The following VAMP7 variants were observed in gnomAD, a reference collection of about 807,000 sequenced individuals.
VAMP7 encodes vesicle associated membrane protein 7.
A neutral mutation model predicts 29.6 loss-of-function variants in VAMP7; 14 were observed. The observed-to-expected ratio is 0.47, with a 90% CI of 0.31 to 0.74. The LOEUF is 0.74. Among genes scored for constraint, VAMP7 ranks in the 30% least tolerant of loss-of-function variants. VAMP7 has a pLI of 0.05. For synonymous variants in VAMP7, 95 were observed against 88.1 expected, an observed-to-expected ratio of 1.08 and a Z score of -0.44; for missense variants, 223 against 262.4, an observed-to-expected ratio of 0.85 and a Z score of 1.04.
chrX:155,924,597 TA>T (rs370271999), intron 6 of VAMP7, among the ~76,000 whole-genome samples: 20 of 151,462 alleles, frequency 1.3e-4, no homozygotes, highest in African/African-American at 2.2e-4. Flanking sequence ...GTTTATTGCT[TA>T]AAAAAAAATG....
chrX:155,937,649 A>G (rs1361255571), intron 6 of VAMP7, among the ~76,000 whole-genome samples: 1 of 152,082 alleles, frequency 6.6e-6, no homozygotes, highest in Non-Finnish European at 1.5e-5. Context: ...CCTTTTTTCA[A>G]TATTCTTGCC....
intron 1 of VAMP7, among the ~76,000 whole-genome samples, chrX:155,889,089 G>A (rs1179147759): frequency 3.9e-5 from 6 of 152,034 alleles, no homozygotes; most frequent in African/African-American, 9.7e-5. Flanking sequence ...TTTCAGGATG[G>A]AATTTCTACA....
At chrX:155,922,735 A>C (rs1361489524) in intron 6 of VAMP7, among the ~76,000 whole-genome samples, 1 of 151,960 alleles carries the variant, frequency 6.6e-6, no homozygotes, top group Non-Finnish European at 1.5e-5. Flanking sequence ...TTACCTCTCT[A>C]TCTTCTGAGT....
chrX:155,924,028 G>A (rs2066434011), intron 6 of VAMP7, among the ~76,000 whole-genome samples: 1 of 152,082 alleles, frequency 6.6e-6, no homozygotes, highest in Non-Finnish European at 1.5e-5. Flanking sequence ...TAATTGAAGT[G>A]CTTATTCCAC....
At chrX:155,898,540 A>G (rs906740024) in intron 4 of VAMP7, among the ~76,000 whole-genome samples, 18 of 152,100 alleles carry the variant, frequency 1.2e-4, no homozygotes, top group African/African-American at 3.9e-4. Flanking sequence ...TGTGTTCAGC[A>G]TGCCAAATGA....
chrX:155,912,368 TTTA>T (rs1277448302), intron 5 of VAMP7, among the ~76,000 whole-genome samples: 1 of 152,134 alleles, frequency 6.6e-6, no homozygotes, highest in Non-Finnish European at 1.5e-5. Flanking sequence ...TTGCTCTTTT[TTTA>T]TTATTATACT....
At chrX:155,887,050 T>A (rs1207999396) in intron 1 of VAMP7, among the ~76,000 whole-genome samples, 6 of 152,172 alleles carry the variant, frequency 3.9e-5, no homozygotes, top group African/African-American at 1.4e-4. Flanking sequence ...AGCAATGACC[T>A]CCTTCCTTGT....
chrX:155,886,119 T>C (rs903242197), intron 1 of VAMP7, among the ~76,000 whole-genome samples: 1 of 152,142 alleles, frequency 6.6e-6, no homozygotes, highest in African/African-American at 2.4e-5. Context: ...ATCTTTTCAT[T>C]CTTTTTCTTC....
At chrX:155,941,582 G>A (rs2066744523) in intron 7 of VAMP7, among the ~76,000 whole-genome samples, 1 of 152,062 alleles carries the variant, frequency 6.6e-6, no homozygotes, top group Non-Finnish European at 1.5e-5. Flanking sequence ...TGACACATCA[G>A]TATGAGTTGC....
At chrX:155,902,922 T>A (rs1289404962) in intron 5 of VAMP7, among the ~76,000 whole-genome samples, 6 of 151,730 alleles carry the variant, frequency 4.0e-5, no homozygotes, top group African/African-American at 7.3e-5. Flanking sequence ...TTCTATTGAT[T>A]GGAATAGTTT....
At chrX:155,923,843 T>C (rs767328248) in intron 6 of VAMP7, among the ~76,000 whole-genome samples, 1 of 152,262 alleles carries the variant, frequency 6.6e-6, no homozygotes, top group African/African-American at 2.4e-5. Flanking sequence ...TAGAATAGTT[T>C]CTATTGCTAT....
At chrX:155,929,624 G>T (rs1277594568) in intron 6 of VAMP7, among the ~76,000 whole-genome samples, 1 of 152,038 alleles carries the variant, frequency 6.6e-6, no homozygotes, top group Non-Finnish European at 1.5e-5. Flanking sequence ...CAGCATTTTA[G>T]ATATAAGTTT....
intron 6 of VAMP7, among the ~76,000 whole-genome samples, chrX:155,927,230 G>T (rs773730907): frequency 6.6e-6 from 1 of 151,848 alleles, no homozygotes; most frequent in African/African-American, 2.4e-5. Flanking sequence ...GGGAGTGGGG[G>T]CTAGGGGAGG....
intron 2 of VAMP7, among the ~76,000 whole-genome samples, chrX:155,892,616 A>G (rs928178557): frequency 1.3e-5 from 2 of 152,056 alleles, no homozygotes; most frequent in African/African-American, 4.8e-5. Context: ...TGTGTGCCTG[A>G]GCTTAGATGT....
intron 5 of VAMP7, among the ~76,000 whole-genome samples, chrX:155,905,262 T>C (rs1225597068): frequency 6.6e-6 from 1 of 152,094 alleles, no homozygotes; most frequent in Non-Finnish European, 1.5e-5. Context: ...TGTTTTTAAG[T>C]GGGTTATTTG....
chrX:155,936,048 C>T (rs2066648682), intron 6 of VAMP7, among the ~76,000 whole-genome samples: 1 of 134,780 alleles, frequency 7.4e-6, no homozygotes, highest in Non-Finnish European at 1.6e-5. Flanking sequence ...GCTCTCTGAT[C>T]GTTCCTCTGG....
intron 5 of VAMP7, among the ~76,000 whole-genome samples, chrX:155,911,722 G>T (rs2066240325): frequency 6.6e-6 from 1 of 151,934 alleles, no homozygotes; most frequent in South Asian, 2.1e-4. Flanking sequence ...TTATAAATGG[G>T]ATTACCTTCT....
intron 1 of VAMP7, among the ~76,000 whole-genome samples, chrX:155,885,022 C>T (rs946080787): frequency 6.6e-6 from 1 of 152,158 alleles, no homozygotes; most frequent in Non-Finnish European, 1.5e-5. Context: ...CTATCCATGA[C>T]ATTTACACTG....
Position 155,939,708 on chromosome X carries a change from C to A in VAMP7, c.509C>A (p.Thr170Asn). The A allele has an allele frequency of 1.2e-6, 2 of 1,613,720 alleles. No homozygotes were observed. Among genetic ancestry groups the A allele is most frequent in the South Asian group, 2.2e-5 (2 of 91,050 alleles). The change falls in exon 7 of 8, where the codon ACC (threonine) becomes AAC (asparagine). Residue 170 changes from threonine to asparagine, a missense_variant. Coordinates refer to ENST00000286448, the MANE Select transcript of VAMP7 (RefSeq NM_005638.6). ...TTCTCGCCTCTTTTCTAGTCTGTCA[C>A]CTTCAAAACTACCAGCAGAAATCTT... Reference protein sequence around the residue: ...KTENLVDSSVTFKTTSRNLAR... With the variant: ...KTENLVDSSVNFKTTSRNLAR...
Sources: gnomAD v4.1 joint callset for allele counts (sites outside exome capture counted in the v4.1 genomes callset) on GRCh38, gnomAD v4.1.1 for gene constraint, MANE v1.5 for transcripts, NCBI Gene and HGNC (gene_info 2026-07-23, HGNC 2026-07-21) for gene names.